The following UBE2A variants were observed in gnomAD, a reference collection of about 807,000 sequenced individuals.
The protein encoded by UBE2A is ubiquitin conjugating enzyme E2 A, also known as ubiquitin-conjugating enzyme E2 A.
For missense variants in UBE2A, 27 were observed against 125.8 expected (o/e 0.21, Z 3.76); for synonymous variants, 39 against 41.1 (o/e 0.95, Z 0.20).
chrX:119,576,216 A>T (rs2053414772), intron 3 of UBE2A, among the ~76,000 whole-genome samples: 1 of 111,687 alleles, frequency 9.0e-6, no homozygotes, highest in Admixed American at 9.5e-5. Flanking sequence ...CAGTTGCAAG[A>T]AATAATAGAG....
chrX:119,580,128 C>T (rs1411187394), intron 3 of UBE2A, among the ~76,000 whole-genome samples: 2 of 111,526 alleles, frequency 1.8e-5, no homozygotes. Flanking sequence ...TACATAGTAT[C>T]TTCAGGTCTG....
chrX:119,574,966 A>G lies in UBE2A; in HGVS notation c.110A>G (p.Asn37Ser). 8.3e-7 allele frequency: 1 copy of G among 1,211,544 alleles called. No homozygotes were observed. The highest frequency in any genetic ancestry group is 1.1e-6 in the Non-Finnish European group (1 of 895,229). ...APSENNIMVW[N>S]AVIFGPEGTP... is the part of the protein sequence containing the mutation. ...TCCGAGAACAACATAATGGTGTGGA[A>G]CGCGGTCATTTTCGGGTGAGTCTGC... Residue 37 changes from asparagine to serine, a missense_variant, in exon 2 of 6, where the codon AAC (asparagine) becomes AGC (serine). Asn to Ser is a conservative substitution (Grantham distance 46). Coordinates refer to ENST00000371558, the MANE Select transcript of UBE2A (RefSeq NM_003336.4).
At position 119,574,580 on chromosome X, in the gene UBE2A, C is replaced by T. The variant is rs1299471559; in HGVS notation, c.-132C>T. 5 of 917,826 alleles carry T rather than the reference C, an allele frequency of 5.4e-6. No homozygotes were observed. The highest frequency in any genetic ancestry group is 7.6e-6 in the Non-Finnish European group (5 of 655,301). 75.6% of individuals were successfully genotyped at this position (917,826 alleles called of 1,213,427 possible). A position where few individuals can be genotyped will look rare whatever the true frequency, so the allele number is the denominator to read the frequency against. On this transcript the variant is annotated 5_prime_UTR_variant, in exon 1 of 6. Transcript: ENST00000371558. ...CCGGCGCCAGACCGACCCTCGACTT[C>T]GGAGAGGCAGCGCGGTTCCTCTGGG...
At chrX:119,577,628 A>G (rs1603308588) in intron 3 of UBE2A, among the ~76,000 whole-genome samples, 1 of 84,566 alleles carries the variant, frequency 1.2e-5, no homozygotes, top group Non-Finnish European at 2.2e-5. Context: ...CACAAAAAAA[A>G]TTTTAGCTTT....
At chrX:119,576,464 T>C (rs1367190022) in intron 3 of UBE2A, among the ~76,000 whole-genome samples, 1 of 110,561 alleles carries the variant, frequency 9.0e-6, no homozygotes, top group Non-Finnish European at 1.9e-5. Context: ...CTTTCTGTTA[T>C]TTTTTTCCTC....
intron 3 of UBE2A, among the ~76,000 whole-genome samples, chrX:119,576,129 T>C (rs931375199): frequency 8.9e-6 from 1 of 112,171 alleles, no homozygotes; most frequent in Non-Finnish European, 1.9e-5. Context: ...TTTAATTGAT[T>C]TAGGTTTAAC....
At chrX:119,575,312 C>CA in intron 2 of UBE2A, 63 bp from the exon 3 acceptor site, 1 of 1,200,273 alleles carries the variant, frequency 8.3e-7, no homozygotes, top group South Asian at 1.8e-5. Flanking sequence ...ATAGCCATCT[C>CA]AGATGAAGCA....
At position 119,583,478 on chromosome X, in the gene UBE2A, A is replaced by C. The variant is rs1379845643; in HGVS notation, c.*223A>C. The C allele has an allele frequency of 2.5e-6, 1 of 398,819 alleles. No individual in the cohort carries two copies. 32.9% of individuals were successfully genotyped at this position (398,819 alleles called of 1,213,427 possible). ...TACTGTACCTGGGTTACTTGCAAAAATTACTAATGCTTCAGTTTTTCTGTT... is the reference window on the plus strand; with the variant it reads ...TACTGTACCTGGGTTACTTGCAAAACTTACTAATGCTTCAGTTTTTCTGTT... On this transcript the variant is annotated 3_prime_UTR_variant, in exon 6 of 6. Coordinates refer to ENST00000371558, the MANE Select transcript of UBE2A (RefSeq NM_003336.4).
chrX:119,577,494 A>G, intron 3 of UBE2A, among the ~76,000 whole-genome samples: 1 of 110,393 alleles, frequency 9.1e-6, no homozygotes, highest in Middle Eastern at 4.7e-3. Context: ...TCTATTTTTG[A>G]TGATGTGTAT....
chrX:119,575,604 T>TAA (rs56726502), intron 3 of UBE2A: 52,427 of 369,117 alleles, frequency 0.14, 1,745 homozygotes, highest in Non-Finnish European at 0.17. Flanking sequence ...CTTGCTTTCT[T>TAA]AAAAAAAAAA....
chrX:119,578,389 C>G (rs1283769922), intron 3 of UBE2A, among the ~76,000 whole-genome samples: 1 of 110,872 alleles, frequency 9.0e-6, no homozygotes, highest in African/African-American at 3.3e-5. Context: ...TAGATGTGTT[C>G]TTTAGAATTG....
chrX:119,577,873 C>G (rs1470240513), intron 3 of UBE2A, among the ~76,000 whole-genome samples: 1 of 110,155 alleles, frequency 9.1e-6, no homozygotes, highest in Non-Finnish European at 1.9e-5. Context: ...AACTCCTGAC[C>G]TGAGGTGATC....
Position 119,574,607 on chromosome X carries a change from G to A in UBE2A, c.-105G>A. 5 of 1,060,205 alleles carry A rather than the reference G, an allele frequency of 4.7e-6. No homozygotes were observed. The highest frequency in any genetic ancestry group is 3.3e-5 in the East Asian group (1 of 30,328). The allele number at this position is 1,060,205 out of a possible 1,213,427, so 87.4% of individuals were successfully genotyped here. A position where few individuals can be genotyped will look rare whatever the true frequency, so the allele number is the denominator to read the frequency against. On this transcript the variant is annotated 5_prime_UTR_variant, in exon 1 of 6. Coordinates refer to ENST00000371558, the MANE Select transcript of UBE2A (RefSeq NM_003336.4). Reference sequence around the variant, plus strand: ...GAGAGGCAGCGCGGTTCCTCTGGGTGCTTCCGCCTCCCCTTCTCCTGCTTC... The same window carrying A: ...GAGAGGCAGCGCGGTTCCTCTGGGTACTTCCGCCTCCCCTTCTCCTGCTTC...
At chrX:119,575,327 G>A (rs2053408724) in intron 2 of UBE2A, 48 bp from the exon 3 acceptor site, 2 of 1,210,775 alleles carry the variant, frequency 1.7e-6, no homozygotes, top group African/African-American at 3.5e-5. Context: ...GAAGCAGGGA[G>A]AAGGGGGCCC....
At chrX:119,578,721 C>T (rs781012089) in intron 3 of UBE2A, among the ~76,000 whole-genome samples, 1 of 111,194 alleles carries the variant, frequency 9.0e-6, no homozygotes, top group Non-Finnish European at 1.9e-5. Flanking sequence ...ACATATACCC[C>T]CTCTAGTTCA....
rs1200641876 is a variant in UBE2A at position 119,584,219 on chromosome X, G to T, written c.*964G>T. 9.0e-6 allele frequency: 1 copy of T among 111,702 alleles called. No homozygotes were observed. 9.2% of individuals were successfully genotyped at this position (111,702 alleles called of 1,213,427 possible). A position where few individuals can be genotyped will look rare whatever the true frequency, so the allele number is the denominator to read the frequency against. On this transcript the variant is annotated 3_prime_UTR_variant, in exon 6 of 6. Coordinates refer to ENST00000371558, the MANE Select transcript of UBE2A (RefSeq NM_003336.4). Reference sequence around the variant, plus strand: ...TGAGAACCTTAAAGCCAATGTCTGCGATCTTTTTTTGGATATTTATACTTT... The same window carrying T: ...TGAGAACCTTAAAGCCAATGTCTGCTATCTTTTTTTGGATATTTATACTTT...
Position 119,583,365 on chromosome X carries a change from T to TG in UBE2A, c.*111dup. ...ACTTTATTAAAAGCAAAATAACTGT[T>TG]GTGCTGTTTCCATCTTCCTTGCCAA... On this transcript the variant is annotated 3_prime_UTR_variant, in exon 6 of 6. Coordinates refer to ENST00000371558, the MANE Select transcript of UBE2A (RefSeq NM_003336.4). 1 of 1,116,424 alleles carries TG rather than the reference T, an allele frequency of 9.0e-7. No individual in the cohort carries two copies. The highest frequency in any genetic ancestry group is 1.2e-6 in the Non-Finnish European group (1 of 816,779). The allele number at this position is 1,116,424 out of a possible 1,213,427, so 92.0% of individuals were successfully genotyped here.
At chrX:119,577,654 T>TTC (rs1333174882) in intron 3 of UBE2A, among the ~76,000 whole-genome samples, 1 of 99,560 alleles carries the variant, frequency 1.0e-5, no homozygotes, top group Non-Finnish European at 2.0e-5. Context: ...TTTTTTTTTT[T>TTC]TTTGAGATGG....
chrX:119,577,656 T>TC, intron 3 of UBE2A, among the ~76,000 whole-genome samples: 1 of 100,855 alleles, frequency 9.9e-6, no homozygotes, highest in African/African-American at 3.7e-5. Flanking sequence ...TTTTTTTTTT[T>TC]TGAGATGGAG....
Sources: allele counts gnomAD v4.1 joint callset (sites outside exome capture counted in the v4.1 genomes callset), GRCh38; gene constraint gnomAD v4.1.1; transcripts MANE v1.5; gene names NCBI Gene and HGNC (gene_info 2026-07-23, HGNC 2026-07-21).